The following CACNG3 variants were observed in gnomAD, a reference collection of about 807,000 sequenced individuals.
CACNG3 encodes the protein calcium voltage-gated channel auxiliary subunit gamma 3, also known as voltage-dependent calcium channel gamma-3 subunit.
CACNG3 carries 3 observed loss-of-function variants against 28.5 expected under a neutral mutation model. That is an observed-to-expected ratio of 0.11 (90% CI 0.05 to 0.27). The LOEUF (loss-of-function observed/expected upper bound fraction) is 0.27, where lower values mean the gene tolerates loss of function less well. CACNG3 is among the 10% of genes least tolerant of loss of function. CACNG3 has a pLI of 1.00. For synonymous variants in CACNG3, 174 were observed against 162.2 expected, an observed-to-expected ratio of 1.07 and a Z score of -0.55; for missense variants, 236 against 414.4, an observed-to-expected ratio of 0.57 and a Z score of 3.74.
At chr16:24,311,271 G>A (rs1899258902) in intron 1 of CACNG3, among the ~76,000 whole-genome samples, 1 of 152,190 alleles carries the variant, frequency 6.6e-6, no homozygotes, top group Non-Finnish European at 1.5e-5. Flanking sequence ...AGCACTTTGG[G>A]AGGCCGAGGA....
intron 1 of CACNG3, among the ~76,000 whole-genome samples, chr16:24,300,622 A>C: frequency 1.4e-5 from 1 of 70,594 alleles, no homozygotes; most frequent in Admixed American, 1.5e-4. Context: ...AAACAAGACA[A>C]AAAAAAAAAA....
chr16:24,361,926 C>T lies in CACNG3; in HGVS notation c.*63C>T. 2.7e-6 allele frequency: 4 copies of T among 1,464,228 alleles called. No homozygotes were observed. Among genetic ancestry groups the T allele is most frequent in the Non-Finnish European group, 3.7e-6 (4 of 1,091,518 alleles). 90.7% of individuals were successfully genotyped at this position (1,464,228 alleles called of 1,614,324 possible). On this transcript the variant is annotated 3_prime_UTR_variant, in exon 4 of 4. Transcript: ENST00000005284. This position sits in a 1 kb window ranked among gnomAD's most constrained non-coding sequence, Gnocchi z 6.8. Reference sequence around the variant, plus strand: ...TTGGGGGAAGTGTACAGAGATGTCTCTGAGGTTGCATGGCATGGTCCTTGT... The same window carrying T: ...TTGGGGGAAGTGTACAGAGATGTCTTTGAGGTTGCATGGCATGGTCCTTGT...
intron 1 of CACNG3, among the ~76,000 whole-genome samples, chr16:24,263,322 T>C (rs62028548): frequency 0.2 from 30,779 of 152,234 alleles, 3,597 homozygotes; most frequent in Non-Finnish European, 0.28. Flanking sequence ...GTCATTCTGC[T>C]GGTTCCTCAC....
intron 2 of CACNG3, among the ~76,000 whole-genome samples, chr16:24,353,990 C>A (rs1226190410): frequency 2.0e-5 from 3 of 152,048 alleles, no homozygotes; most frequent in African/African-American, 7.2e-5. Flanking sequence ...GCCAGGAGTT[C>A]TAGACCAGCC....
chr16:24,362,051 CT>C lies in CACNG3; in HGVS notation c.*192del, dbSNP rs1157088001. Reference sequence around the variant, plus strand: ...GTCCTAACCCCTCCATCCTCTCTAACTTTTCAAGCCAATCCCTTAATGTCAT... The same window carrying C: ...GTCCTAACCCCTCCATCCTCTCTAACTTTCAAGCCAATCCCTTAATGTCAT... On this transcript the variant is annotated 3_prime_UTR_variant, in exon 4 of 4. Transcript: ENST00000005284. The C allele has an allele frequency of 3.0e-5, 16 of 540,770 alleles. No homozygotes were observed. The highest frequency in any genetic ancestry group is 1.3e-5 in the Non-Finnish European group (4 of 312,096). The allele number at this position is 540,770 out of a possible 1,614,324, so 33.5% of individuals were successfully genotyped here. A position where few individuals can be genotyped will look rare whatever the true frequency, so the allele number is the denominator to read the frequency against.
intron 1 of CACNG3, among the ~76,000 whole-genome samples, chr16:24,279,546 C>T (rs1898793092): frequency 6.6e-6 from 1 of 152,126 alleles, no homozygotes; most frequent in Admixed American, 6.5e-5. Flanking sequence ...CTCAAGCAAT[C>T]CTCCTGCCTC....
At chr16:24,325,152 G>C (rs1030047877) in intron 1 of CACNG3, among the ~76,000 whole-genome samples, 1 of 152,198 alleles carries the variant, frequency 6.6e-6, no homozygotes, top group African/African-American at 2.4e-5. Flanking sequence ...TATGAGTTCT[G>C]TGTCTACTGG....
At position 24,318,014 on chromosome 16, in the gene CACNG3, G is replaced by A. The variant is rs79690603; in HGVS notation, c.212-28720G>A. Among the ~76,000 whole-genome samples the A allele has an allele frequency of 7.8e-3, 1,181 of 152,244 alleles. 2 individuals are homozygous for A. The highest frequency in any genetic ancestry group is 0.017 in the Middle Eastern group (5 of 294). ...GTCTCAGCCCAGATGCCCCTTCTCT[G>A]AGAGGCTTCCCTGACCTCCCACTGT... On this transcript the variant is annotated intron_variant, in intron 1 of 3. Coordinates refer to ENST00000005284, the MANE Select transcript of CACNG3 (RefSeq NM_006539.4).
rs566933951 is a variant in CACNG3 at position 24,330,636 on chromosome 16, A to G, written c.212-16098A>G. 8.1e-4 allele frequency among the ~76,000 whole-genome samples: 124 copies of G among 152,356 alleles called. 1 individual carries two copies. Among genetic ancestry groups the G allele is most frequent in the African/African-American group, 2.9e-3 (119 of 41,594 alleles). Reference sequence around the variant, plus strand: ...ATGCACTTGTTGGTTTGTTTTAAGAAGAGCCCAGGTGATTCTCATGCAAGT... The same window carrying G: ...ATGCACTTGTTGGTTTGTTTTAAGAGGAGCCCAGGTGATTCTCATGCAAGT... On this transcript the variant is annotated intron_variant, in intron 1 of 3. Transcript: ENST00000005284.
chr16:24,269,382 T>C (rs1898654714), intron 1 of CACNG3, among the ~76,000 whole-genome samples: 1 of 152,156 alleles, frequency 6.6e-6, no homozygotes, highest in Non-Finnish European at 1.5e-5. Context: ...ACCCTATTAA[T>C]AATATCTCCT....
At chr16:24,298,431 G>A (rs1899062298) in intron 1 of CACNG3, among the ~76,000 whole-genome samples, 1 of 151,992 alleles carries the variant, frequency 6.6e-6, no homozygotes, top group African/African-American at 2.4e-5. Context: ...TTAAATCCTT[G>A]CACACACTCA....
chr16:24,302,744 C>G (rs1279943609), intron 1 of CACNG3, among the ~76,000 whole-genome samples: 1 of 152,000 alleles, frequency 6.6e-6, no homozygotes, highest in Non-Finnish European at 1.5e-5. Context: ...ACTGCAAACT[C>G]TGCCTCCCAG....
chr16:24,339,305 TATC>T (rs1318370214), intron 1 of CACNG3, among the ~76,000 whole-genome samples: 1 of 152,182 alleles, frequency 6.6e-6, no homozygotes, highest in Non-Finnish European at 1.5e-5. Context: ...TATGGCTTAA[TATC>T]ATGTAAGAAA....
At chr16:24,293,951 C>T (rs1898997957) in intron 1 of CACNG3, among the ~76,000 whole-genome samples, 2 of 152,164 alleles carry the variant, frequency 1.3e-5, no homozygotes, top group Admixed American at 1.3e-4. Flanking sequence ...TGAACTGTTT[C>T]ATTCCAGTCC....
chr16:24,298,782 C>T (rs1004884694), intron 1 of CACNG3, among the ~76,000 whole-genome samples: 4 of 152,178 alleles, frequency 2.6e-5, no homozygotes, highest in Non-Finnish European at 5.9e-5. Flanking sequence ...GGATTTCAAA[C>T]TTTCCTTGTT....
At chr16:24,332,280 G>A (rs1475597638) in intron 1 of CACNG3, among the ~76,000 whole-genome samples, 1 of 152,086 alleles carries the variant, frequency 6.6e-6, no homozygotes, top group Admixed American at 6.5e-5. Context: ...GGACAACATA[G>A]TGAGACTCCA....
chr16:24,354,017 ATC>A, intron 2 of CACNG3, among the ~76,000 whole-genome samples: 2 of 152,074 alleles, frequency 1.3e-5, no homozygotes, highest in African/African-American at 4.8e-5. Flanking sequence ...ACTTGGTGAG[ATC>A]CCATCTCTAC....
At chr16:24,353,619 C>G (rs903953756) in intron 2 of CACNG3, among the ~76,000 whole-genome samples, 1 of 152,168 alleles carries the variant, frequency 6.6e-6, no homozygotes, top group Non-Finnish European at 1.5e-5. Flanking sequence ...GTGCCTGCGC[C>G]CTTGTGGTGG....
chr16:24,315,032 C>T (rs1352367103), intron 1 of CACNG3, among the ~76,000 whole-genome samples: 1 of 152,098 alleles, frequency 6.6e-6, no homozygotes, highest in East Asian at 1.9e-4. Context: ...GTCTTGCCCA[C>T]CTGACAGTCA....
Sources: gnomAD v4.1 joint callset for allele counts (sites outside exome capture counted in the v4.1 genomes callset) on GRCh38, gnomAD v4.1.1 for gene constraint, Gnocchi (gnomAD v3.1) non-coding constraint, MANE v1.5 for transcripts, NCBI Gene and HGNC (gene_info 2026-07-23, HGNC 2026-07-21) for gene names.